The following NDST4 variants were observed in gnomAD, a reference collection of about 807,000 sequenced individuals.
NDST4 encodes N-deacetylase and N-sulfotransferase 4.
In NDST4, 63 loss-of-function variants were observed where a neutral mutation model predicts 100.8. The observed-to-expected ratio is 0.62, with a 90% CI of 0.51 to 0.77. NDST4 has a LOEUF of 0.77. NDST4 is among the 30% of genes least tolerant of loss of function. The pLI is 0.00. For synonymous variants in NDST4, 377 were observed against 361.8 expected (o/e 1.04, Z -0.48); for missense variants, 943 against 1,018.4 (o/e 0.93, Z 1.01).
At chr4:114,848,145 C>T (rs1370694891) in intron 9 of NDST4, 70 bp downstream of exon 9, 2 of 1,309,516 alleles carry the variant, frequency 1.5e-6, no homozygotes, top group Non-Finnish European at 2.1e-6. Context: ...GCCACACATA[C>T]ATCTGTAATT....
chr4:115,038,783 T>C (rs1362995535), intron 2 of NDST4, among the ~76,000 whole-genome samples: 2 of 152,060 alleles, frequency 1.3e-5, no homozygotes, highest in Non-Finnish European at 2.9e-5. Flanking sequence ...CAAGACCAGC[T>C]TGGGCAACAT....
intron 2 of NDST4, among the ~76,000 whole-genome samples, chr4:115,026,407 C>T (rs2126267666): frequency 8.5e-6 from 1 of 117,710 alleles, no homozygotes; most frequent in East Asian, 2.2e-4. Flanking sequence ...AACATTTTCT[C>T]ATAGTCTTAT....
chr4:114,986,832 A>ATATATATATTTTTTTTTTTT, intron 2 of NDST4, among the ~76,000 whole-genome samples: 5 of 94,660 alleles, frequency 5.3e-5, no homozygotes, highest in Non-Finnish European at 1.1e-4. Flanking sequence ...ATATATATAT[A>ATATATATATTTTTTTTTTTT]TTTTAATATA....
At chr4:114,881,448 T>G (rs1268469917) in intron 6 of NDST4, among the ~76,000 whole-genome samples, 1 of 151,822 alleles carries the variant, frequency 6.6e-6, no homozygotes, top group East Asian at 1.9e-4. Flanking sequence ...TAGAGAACAA[T>G]AAAGGGATGA....
intron 7 of NDST4, among the ~76,000 whole-genome samples, chr4:114,855,133 T>G (rs1040574283): frequency 2.0e-5 from 3 of 147,660 alleles, no homozygotes; most frequent in South Asian, 2.1e-4. Context: ...AGATTATTAG[T>G]TTTTTTTTTC....
chr4:115,057,766 G>A (rs923955281), intron 2 of NDST4, among the ~76,000 whole-genome samples: 3 of 150,180 alleles, frequency 2.0e-5, no homozygotes, highest in Non-Finnish European at 4.4e-5. Context: ...ACACCAAAAA[G>A]GGCAGTGTTC....
intron 1 of NDST4, among the ~76,000 whole-genome samples, chr4:115,109,338 TA>T (rs2110347339): frequency 6.6e-6 from 1 of 152,040 alleles, no homozygotes; most frequent in South Asian, 2.1e-4. Flanking sequence ...ATATTTGAAA[TA>T]AATCACAACA....
At chr4:114,857,285 T>C (rs1157564178) in intron 7 of NDST4, among the ~76,000 whole-genome samples, 1 of 152,180 alleles carries the variant, frequency 6.6e-6, no homozygotes, top group Non-Finnish European at 1.5e-5. Context: ...TTGTCATTAG[T>C]CACTAATGTG....
chr4:115,076,401 T>C lies in NDST4; in HGVS notation c.636A>G (p.Lys212=). 2 of 1,613,994 alleles carry C rather than the reference T, an allele frequency of 1.2e-6. No individual in the cohort carries two copies. Among genetic ancestry groups the C allele is most frequent in the Non-Finnish European group, 1.7e-6 (2 of 1,179,966 alleles). ...TCCAGTCTTCCCCAGGAAGAGGGCC[T>C]TTCTCAACCTTGGGGGCTTTGGTAA... is the stretch of plus-strand genomic sequence containing the variant. ...LHITKAPKVE[K]GPLPGEDWTI... is the part of the protein sequence containing the mutation. Residue 212 remains lysine, a synonymous_variant, in exon 2 of 14, where the codon AAA becomes AAG. Transcript: ENST00000264363.
chr4:114,971,916 T>G (rs1726523439), intron 3 of NDST4, among the ~76,000 whole-genome samples: 1 of 152,050 alleles, frequency 6.6e-6, no homozygotes, highest in South Asian at 2.1e-4. Context: ...GTTCCCTGTT[T>G]TAAAATAGGA....
intron 10 of NDST4, among the ~76,000 whole-genome samples, chr4:114,845,460 C>A (rs77595065): frequency 6.6e-6 from 1 of 152,106 alleles, no homozygotes; most frequent in African/African-American, 2.4e-5. Flanking sequence ...TTAACTTGGA[C>A]GAAACTTTTA....
rs1370171098 is a variant in NDST4, at chr4:115,067,663, A to AT, written c.978+8395dup. ...AATTCTTAAACATATTTTGACTGGA[A>AT]TTTTTTTCAGATATTTACATTACTA... On this transcript the variant is annotated intron_variant, in intron 2 of 13. Coordinates refer to ENST00000264363, the MANE Select transcript of NDST4 (RefSeq NM_022569.3). Among the ~76,000 whole-genome samples the AT allele has an allele frequency of 2.0e-5, 3 of 151,920 alleles. No homozygotes were observed. In the East Asian group the frequency reaches 5.8e-4, roughly 29 times the overall value.
chr4:115,079,177 C>T (rs927145279), intron 1 of NDST4, among the ~76,000 whole-genome samples: 2 of 151,866 alleles, frequency 1.3e-5, no homozygotes, highest in African/African-American at 2.4e-5. Flanking sequence ...TGGTGAAACC[C>T]CGTCTCTACT....
chr4:114,927,274 T>A (rs1483425771), intron 6 of NDST4, among the ~76,000 whole-genome samples: 1 of 151,616 alleles, frequency 6.6e-6, no homozygotes, highest in Non-Finnish European at 1.5e-5. Flanking sequence ...TAGCCACGAT[T>A]TAATTGTATA....
intron 6 of NDST4, among the ~76,000 whole-genome samples, chr4:114,927,068 A>G (rs1424157663): frequency 6.6e-6 from 1 of 152,056 alleles, no homozygotes; most frequent in Non-Finnish European, 1.5e-5. Flanking sequence ...TTCCCTCAAT[A>G]TATCTACCAT....
At chr4:115,093,610 C>T (rs1290792843) in intron 1 of NDST4, among the ~76,000 whole-genome samples, 2 of 152,142 alleles carry the variant, frequency 1.3e-5, no homozygotes, top group East Asian at 3.9e-4. Context: ...ATAAATCATT[C>T]CAAGCCCCAA....
At chr4:114,980,599 G>C (rs923868951) in intron 2 of NDST4, among the ~76,000 whole-genome samples, 2 of 152,014 alleles carry the variant, frequency 1.3e-5, no homozygotes, top group South Asian at 4.1e-4. Context: ...CTGAGATTGC[G>C]CAATGGCACT....
intron 6 of NDST4, among the ~76,000 whole-genome samples, chr4:114,903,807 G>A (rs1724895434): frequency 6.6e-6 from 1 of 151,986 alleles, no homozygotes; most frequent in African/African-American, 2.4e-5. Flanking sequence ...ATTTTTAATA[G>A]TGAATCACTT....
In NDST4 at chr4:115,106,916, A is replaced by C. The variant is rs142778017; in HGVS notation, c.-247+6528T>G. 3.5e-3 allele frequency among the ~76,000 whole-genome samples: 526 copies of C among 152,226 alleles called. 2 individuals are homozygous for C. Among genetic ancestry groups the C allele is most frequent in the African/African-American group, 0.012 (500 of 41,546 alleles). ...ATGCCTATGATCCTAGCACTTTGTC[A>C]GGCTGAGGTAGGAGGATAGCTTGAG... On this transcript the variant is annotated intron_variant, in intron 1 of 13. Coordinates refer to ENST00000264363, the MANE Select transcript of NDST4 (RefSeq NM_022569.3).
Sources: allele counts gnomAD v4.1 joint callset (sites outside exome capture counted in the v4.1 genomes callset), GRCh38; gene constraint gnomAD v4.1.1; transcripts MANE v1.5; gene names NCBI Gene and HGNC (gene_info 2026-07-23, HGNC 2026-07-21).